CLCN1: variants seen among roughly 807,000 people sequenced by gnomAD.
The protein encoded by CLCN1 is chloride voltage-gated channel 1.
Under a neutral mutation model 114.5 loss-of-function variants are expected in CLCN1, and 100 were observed. That is an observed-to-expected ratio of 0.87 (90% CI 0.74 to 1.03). The LOEUF is 1.03. CLCN1 is among the 50% of genes least tolerant of loss of function. The pLI is 0.00. For missense variants in CLCN1, 1,188 were observed against 1,250.0 expected (o/e 0.95, Z 0.75); for synonymous variants, 485 against 487.1 (o/e 1.00, Z 0.06).
chr7:143,323,679 CT>C (rs1317974329), intron 6 of CLCN1: 2 of 587,820 alleles, frequency 3.4e-6, no homozygotes, highest in African/African-American at 3.7e-5. Flanking sequence ...ATACCACCCC[CT>C]CTGTGTTAGT....
At chr7:143,342,865 G>C (rs62471045) in intron 16 of CLCN1, among the ~76,000 whole-genome samples, 16,278 of 151,994 alleles carry the variant, frequency 0.11, 1,083 homozygotes, top group South Asian at 0.21. Context: ...CCCGGGAGAC[G>C]GAGGTTGCGA....
intron 20 of CLCN1, among the ~76,000 whole-genome samples, chr7:143,348,251 G>A (rs1803308844): frequency 6.6e-6 from 1 of 152,076 alleles, no homozygotes; most frequent in Admixed American, 6.5e-5. Flanking sequence ...GATCACAGAG[G>A]GAAAGGAAGA....
rs1802291784 is a variant in CLCN1, at chr7:143,316,347, G to T, written c.135G>T (p.Arg45Ser). ...CTGAGAATGGGGGCCTCCAGCACAG[G>T]CTCCGGAAGGATGCAGGCCCCCGCC... ...LPSENGGLQH[R>S]LRKDAGPRHN... The change falls in exon 1 of 23, where the codon AGG (arginine) becomes AGT (serine). Residue 45 changes from arginine (R) to serine (S), a missense_variant. Arg to Ser is a moderately radical substitution (Grantham distance 110, BLOSUM62 -1). Coordinates refer to ENST00000343257, the MANE Select transcript of CLCN1 (RefSeq NM_000083.3). 3 of 1,611,748 alleles carry T rather than the reference G, an allele frequency of 1.9e-6. No homozygotes were observed. The highest frequency in any genetic ancestry group is 2.5e-6 in the Non-Finnish European group (3 of 1,179,974).
chr7:143,331,031 A>G, intron 8 of CLCN1, 134 bp downstream of exon 8: 1 of 1,341,824 alleles, frequency 7.5e-7, no homozygotes, highest in South Asian at 1.2e-5. Flanking sequence ...CCAAGGCCCA[A>G]GGGTGTATGA....
chr7:143,322,218 A>G (rs954884737), intron 5 of CLCN1, among the ~76,000 whole-genome samples: 1 of 152,230 alleles, frequency 6.6e-6, no homozygotes, highest in Non-Finnish European at 1.5e-5. Context: ...GTCCTCAGAC[A>G]TTGCCATATG....
chr7:143,342,053 G>T lies in CLCN1; in HGVS notation c.1707G>T (p.Val569=), dbSNP rs763061085. The change falls in exon 15 of 23, where the codon GTG becomes GTT. Residue 569 remains valine (V), a synonymous_variant. Transcript: ENST00000343257. ...MMVAVILANM[V]AQSLQPSLYD... ...TGGCTGTTATCTTGGCCAACATGGT[G>T]GCCCAGAGCCTGCAGCCCTCTCTCT... 1 of 1,614,162 alleles carries T rather than the reference G, an allele frequency of 6.2e-7. No individual in the cohort carries two copies. Among genetic ancestry groups the T allele is most frequent in the Non-Finnish European group, 8.5e-7 (1 of 1,180,030 alleles).
At chr7:143,318,538 T>A (rs1802347860) in intron 1 of CLCN1, among the ~76,000 whole-genome samples, 2 of 152,164 alleles carry the variant, frequency 1.3e-5, no homozygotes. Context: ...CTTGGAATAC[T>A]TTTTAACAAA....
Position 143,345,329 on chromosome 7 carries a change from A to G in CLCN1, c.1931-192A>G, listed in dbSNP as rs971258525. On this transcript the variant is annotated intron_variant, in intron 16 of 22. Coordinates refer to ENST00000343257, the MANE Select transcript of CLCN1 (RefSeq NM_000083.3). ...TCTACCAATTGGCCCCGTACCTGCT[A>G]AATGGATGAAATAAAAGGGATTGAG... 3.3e-5 allele frequency among the ~76,000 whole-genome samples: 5 copies of G among 152,200 alleles called. No individual in the cohort carries two copies. In the East Asian group the frequency reaches 9.6e-4, roughly 29 times the overall value.
intron 6 of CLCN1, chr7:143,323,632 G>C: frequency 1.5e-6 from 1 of 652,678 alleles, no homozygotes; most frequent in Non-Finnish European, 2.9e-6. Flanking sequence ...ATGGAGGTCT[G>C]GTCTGTCGTC....
Position 143,352,075 on chromosome 7 carries a change from C to A in CLCN1, c.*110C>A. 1 of 1,385,210 alleles carries A rather than the reference C, an allele frequency of 7.2e-7. No homozygotes were observed. The highest frequency in any genetic ancestry group is 1.0e-6 in the Non-Finnish European group (1 of 980,694). The allele number at this position is 1,385,210 out of a possible 1,614,324, so 85.8% of individuals were successfully genotyped here. On this transcript the variant is annotated 3_prime_UTR_variant, in exon 23 of 23. Coordinates refer to ENST00000343257, the MANE Select transcript of CLCN1 (RefSeq NM_000083.3). ...TGGCGAGGTCATGCCAATGTCGTGG[C>A]CTCTTCCAGGAATTTTTTAATGTGA...
At chr7:143,347,647 A>C (rs1803290389) in intron 20 of CLCN1, among the ~76,000 whole-genome samples, 1 of 146,624 alleles carries the variant, frequency 6.8e-6, no homozygotes, top group African/African-American at 2.5e-5. Flanking sequence ...AAAAAAACTA[A>C]AATGGAGAAA....
At chr7:143,331,795 G>A in intron 10 of CLCN1, 143 bp downstream of exon 10, 1 of 696,410 alleles carries the variant, frequency 1.4e-6, no homozygotes, top group Non-Finnish European at 2.6e-6. Context: ...TTGTGGTTAG[G>A]GGGTGAATTG....
intron 16 of CLCN1, 95 bp from the exon 17 acceptor site, chr7:143,345,426 G>C: frequency 2.1e-6 from 3 of 1,409,826 alleles, no homozygotes; most frequent in Non-Finnish European, 2.8e-6. Context: ...CGCCGGGCAG[G>C]GTGGCGCCTC....
In CLCN1 at chr7:143,321,748, G is replaced by A; in HGVS notation, c.596G>A (p.Arg199His). 13 of 1,614,214 alleles carry A rather than the reference G, an allele frequency of 8.1e-6. No individual in the cohort carries two copies. Among genetic ancestry groups the A allele is most frequent in the African/African-American group, 1.3e-5 (1 of 75,046 alleles). ...SGIPEMKTIL[R>H]GVVLKEYLTM... ...ATCCCCGAAATGAAGACAATACTTC[G>A]TGGGGTTGTCCTGAAGGAATACCTC... The change falls in exon 5 of 23, where the codon CGT becomes CAT. Residue 199 changes from arginine to histidine, a missense_variant. Transcript: ENST00000343257. The surrounding 1 kb of genome is among the most constrained non-coding windows in gnomAD (Gnocchi z 4.2).
At chr7:143,338,617 C>T (rs1802979825) in intron 12 of CLCN1, among the ~76,000 whole-genome samples, 1 of 151,992 alleles carries the variant, frequency 6.6e-6, no homozygotes, top group Admixed American at 6.6e-5. Flanking sequence ...AAAACCCCGT[C>T]TCTACTAAAA....
rs1563091117 is a variant in CLCN1 at position 143,351,732 on chromosome 7, G to A, written c.2734G>A (p.Asp912Asn). ...TGCAGAGAACTGGAACCTGCCTGAG[G>A]ACAGGCCTGGGGCCACTGGAACAGG... ...SSAENWNLPE[D>N]RPGATGTGDV... Residue 912 changes from aspartate (D) to asparagine (N), a missense_variant, in exon 23 of 23, where the codon GAC (aspartate) becomes AAC (asparagine). Physicochemically the swap from Asp to Asn is conservative, Grantham distance 23. Coordinates refer to ENST00000343257, the MANE Select transcript of CLCN1 (RefSeq NM_000083.3). 6.2e-7 allele frequency: 1 copy of A among 1,614,170 alleles called. No homozygotes were observed.
In CLCN1 at chr7:143,324,292, CA is replaced by C; in HGVS notation, c.775-120del. ...GGGAATCACAGGGGACATGGGACCACAAGGACTCCTTTTGACTTAGGCCTCT... is the reference window on the plus strand; with the variant it reads ...GGGAATCACAGGGGACATGGGACCACAGGACTCCTTTTGACTTAGGCCTCT... On this transcript the variant is annotated intron_variant, in intron 6 of 22. Coordinates refer to ENST00000343257, the MANE Select transcript of CLCN1 (RefSeq NM_000083.3). This position sits in a 1 kb window ranked among gnomAD's most constrained non-coding sequence, Gnocchi z 4.6. The C allele has an allele frequency of 2.6e-6, 2 of 771,012 alleles. No individual in the cohort carries two copies. Among genetic ancestry groups the C allele is most frequent in the Admixed American group, 3.8e-5 (2 of 52,332 alleles). The allele number at this position is 771,012 out of a possible 1,614,324, so 47.8% of individuals were successfully genotyped here.
chr7:143,348,721 C>G (rs1462237506), intron 20 of CLCN1, among the ~76,000 whole-genome samples: 1 of 152,158 alleles, frequency 6.6e-6, no homozygotes, highest in Non-Finnish European at 1.5e-5. Context: ...GAAGTCCCTA[C>G]TAGGATTTGT....
intron 12 of CLCN1, among the ~76,000 whole-genome samples, chr7:143,333,873 T>C (rs796098810): frequency 1.8e-4 from 27 of 152,344 alleles, no homozygotes; most frequent in African/African-American, 6.3e-4. Flanking sequence ...TACTGCCTTG[T>C]AATAAGATAT....
Sources: allele counts gnomAD v4.1 joint callset (sites outside exome capture counted in the v4.1 genomes callset), GRCh38; gene constraint gnomAD v4.1.1; non-coding constraint Gnocchi (gnomAD v3.1); transcripts MANE v1.5; gene names NCBI Gene and HGNC (gene_info 2026-07-23, HGNC 2026-07-21).